The following SH3KBP1 variants were observed in gnomAD, a reference collection of about 807,000 sequenced individuals.
The protein encoded by SH3KBP1 is SH3 domain containing kinase binding protein 1.
In SH3KBP1, 8 loss-of-function variants were observed where a neutral mutation model predicts 50.1. That is an observed-to-expected ratio of 0.16 (90% confidence interval 0.09 to 0.29). SH3KBP1 has a LOEUF of 0.29. Among genes scored for constraint, SH3KBP1 ranks in the 10% least tolerant of loss-of-function variants. The pLI, the probability that SH3KBP1 is intolerant of heterozygous loss-of-function variation, is 1.00. For missense variants in SH3KBP1, 377 were observed against 535.2 expected, an observed-to-expected ratio of 0.70 and a Z score of 2.92; for synonymous variants, 227 against 218.6, an observed-to-expected ratio of 1.04 and a Z score of -0.34.
At chrX:19,583,604 C>G (rs1008892841) in intron 12 of SH3KBP1, among the ~76,000 whole-genome samples, 1 of 110,542 alleles carries the variant, frequency 9.0e-6, no homozygotes, top group African/African-American at 3.3e-5. Context: ...GGAGCGATCA[C>G]TGTAAGAGCC....
intron 13 of SH3KBP1, among the ~76,000 whole-genome samples, chrX:19,551,622 G>A (rs1381870565): frequency 9.8e-6 from 1 of 102,022 alleles, no homozygotes; most frequent in Admixed American, 1.1e-4. Flanking sequence ...TTGGCTCACT[G>A]TAGCCTCAAC....
intron 1 of SH3KBP1, among the ~76,000 whole-genome samples, chrX:19,874,929 TGAA>T (rs1440528507): frequency 2.5e-5 from 2 of 78,606 alleles, no homozygotes; most frequent in Non-Finnish European, 4.7e-5. Context: ...GGTGAGGGGA[TGAA>T]GAAAGAGCAG....
At chrX:19,609,820 A>G (rs923531610) in intron 8 of SH3KBP1, among the ~76,000 whole-genome samples, 4 of 112,429 alleles carry the variant, frequency 3.6e-5, no homozygotes, top group African/African-American at 1.3e-4. Flanking sequence ...TGTAGAATCA[A>G]TGCAGACTCT....
chrX:19,577,682 G>A (rs1168424629), intron 12 of SH3KBP1, among the ~76,000 whole-genome samples: 1 of 109,860 alleles, frequency 9.1e-6, no homozygotes, highest in Non-Finnish European at 1.9e-5. Context: ...AAGTGCACAG[G>A]AAGCCAAGGC....
At position 19,620,944 on chromosome X, in the gene SH3KBP1, A is replaced by G. The variant is rs190486591; in HGVS notation, c.897+10920T>C. ...TCCAGTGTTTCATACATAACTTTTG[A>G]TGTTTTATGTTTTACATGTAGATCT... On this transcript the variant is annotated intron_variant, in intron 8 of 17. Coordinates refer to ENST00000397821, the MANE Select transcript of SH3KBP1 (RefSeq NM_031892.3). Among the ~76,000 whole-genome samples the G allele has an allele frequency of 2.7e-3, 268 of 99,824 alleles. 1 individual carries two copies. Among genetic ancestry groups the G allele is most frequent in the Non-Finnish European group, 4.8e-3 (238 of 49,624 alleles). The allele number at this position is 99,824 out of a possible 115,157, so 86.7% of individuals were successfully genotyped here.
intron 3 of SH3KBP1, among the ~76,000 whole-genome samples, chrX:19,733,741 G>T (rs1569448048): frequency 9.1e-6 from 1 of 110,468 alleles, no homozygotes; most frequent in East Asian, 2.8e-4. Context: ...AGCAAAATTT[G>T]CCATGAATGA....
chrX:19,841,939 C>A (rs1224950683), intron 1 of SH3KBP1, among the ~76,000 whole-genome samples: 2 of 106,289 alleles, frequency 1.9e-5, no homozygotes, highest in Non-Finnish European at 1.9e-5. Context: ...CTCTTTTTTT[C>A]TTTCATGTAT....
At position 19,887,561 on chromosome X, in the gene SH3KBP1, G is replaced by GC; in HGVS notation, c.-252_-251insG. ...TGTTGCATCGCGGCCCAATGCGCCC[G>GC]GCTGCGCCGGGTTTCCTGCTCCCCG... On this transcript the variant is annotated 5_prime_UTR_variant, in exon 1 of 18. Transcript: ENST00000397821. The GC allele has an allele frequency of 6.9e-6, 1 of 144,991 alleles. No individual in the cohort carries two copies. The highest frequency in any genetic ancestry group is 1.2e-5 in the Non-Finnish European group (1 of 81,063). 11.9% of individuals were successfully genotyped at this position (144,991 alleles called of 1,213,427 possible). A position where few individuals can be genotyped will look rare whatever the true frequency, so the allele number is the denominator to read the frequency against.
chrX:19,710,966 T>G (rs772023789), intron 3 of SH3KBP1, among the ~76,000 whole-genome samples: 1 of 111,757 alleles, frequency 8.9e-6, no homozygotes, highest in Non-Finnish European at 1.9e-5. Flanking sequence ...TGCCATAGAC[T>G]GCTAAGCACT....
intron 5 of SH3KBP1, among the ~76,000 whole-genome samples, chrX:19,688,064 C>G (rs2063205134): frequency 8.9e-6 from 1 of 112,368 alleles, no homozygotes; most frequent in African/African-American, 3.2e-5. Flanking sequence ...CCTTAATTAA[C>G]TCAATTGTAC....
chrX:19,573,247 A>G (rs946691997), intron 12 of SH3KBP1, among the ~76,000 whole-genome samples: 1 of 111,894 alleles, frequency 8.9e-6, no homozygotes, highest in Non-Finnish European at 1.9e-5. Context: ...AATCTCTGGG[A>G]TAAGATTATA....
intron 1 of SH3KBP1, among the ~76,000 whole-genome samples, chrX:19,881,542 T>G (rs749323848): frequency 4.5e-5 from 5 of 112,026 alleles, no homozygotes; most frequent in Non-Finnish European, 9.4e-5. Context: ...GCTCAACCAA[T>G]GTTAATCTTA....
intron 2 of SH3KBP1, among the ~76,000 whole-genome samples, chrX:19,831,875 T>C (rs1326536662): frequency 9.4e-6 from 1 of 106,650 alleles, no homozygotes; most frequent in African/African-American, 3.4e-5. Context: ...AGGACATGCA[T>C]AAAGCCACTT....
rs2063179918 is a variant in SH3KBP1, at chrX:19,686,959, T to G, written c.521-2931A>C. On this transcript the variant is annotated intron_variant, in intron 5 of 17. Coordinates refer to ENST00000397821, the MANE Select transcript of SH3KBP1 (RefSeq NM_031892.3). ...AGATCCATGAGATATTTTTATCTAT[T>G]TTTAATTTAACACTCACATGGATGG... 4.5e-5 allele frequency among the ~76,000 whole-genome samples: 5 copies of G among 112,088 alleles called. No homozygotes were observed. The Admixed American group carries it at 4.7e-4, about 11-fold the overall frequency.
chrX:19,563,678 C>T (rs913892554), intron 13 of SH3KBP1, among the ~76,000 whole-genome samples: 2 of 112,009 alleles, frequency 1.8e-5, no homozygotes, highest in Non-Finnish European at 3.8e-5. Flanking sequence ...AGATAGGGAC[C>T]GGAGCTGCAC....
At chrX:19,828,030 G>A (rs192286646) in intron 2 of SH3KBP1, among the ~76,000 whole-genome samples, 1 of 110,061 alleles carries the variant, frequency 9.1e-6, no homozygotes, top group East Asian at 2.8e-4. Flanking sequence ...CGCCAGGAGG[G>A]TCACCTGACT....
chrX:19,818,518 A>G (rs1242847651), intron 2 of SH3KBP1, among the ~76,000 whole-genome samples: 1 of 112,101 alleles, frequency 8.9e-6, no homozygotes, highest in Non-Finnish European at 1.9e-5. Context: ...GGGAGAGTAT[A>G]CAGTCTTTCA....
intron 2 of SH3KBP1, chrX:19,799,716 G>A (rs2066840069): frequency 3.3e-6 from 4 of 1,206,276 alleles, no homozygotes; most frequent in Non-Finnish European, 4.5e-6. Context: ...ATTTCTGGCT[G>A]TGTCTGAACT....
chrX:19,804,495 T>G (rs964618991), intron 2 of SH3KBP1, among the ~76,000 whole-genome samples: 7 of 111,575 alleles, frequency 6.3e-5, no homozygotes, highest in Non-Finnish European at 1.3e-4. Context: ...CATGTAGTTT[T>G]GGAGTGGAAG....
Sources: gnomAD v4.1 joint callset for allele counts (sites outside exome capture counted in the v4.1 genomes callset) on GRCh38, gnomAD v4.1.1 for gene constraint, MANE v1.5 for transcripts, NCBI Gene and HGNC (gene_info 2026-07-23, HGNC 2026-07-21) for gene names.